Variants in DHX36 observed in about 807,000 individuals in gnomAD.
DHX36 encodes the protein ATP-dependent DNA/RNA helicase DHX36.
A neutral mutation model predicts 139.0 loss-of-function variants in DHX36; 50 were observed. That is an observed-to-expected ratio of 0.36 (90% CI 0.29 to 0.46). The LOEUF is 0.46. Ranked by LOEUF, DHX36 falls within the 20% of genes least tolerant of loss-of-function variation. The probability of loss-of-function intolerance (pLI) is 1.00; values close to 1 mark genes in which losing one functional copy is unlikely to be tolerated. For synonymous variants in DHX36, 425 were observed against 401.9 expected (o/e 1.06, Z -0.69); for missense variants, 1,024 against 1,211.3 (o/e 0.85, Z 2.29).
intron 3 of DHX36, 31 bp from the exon 4 acceptor site, chr3:154,311,705 C>G (rs1712768931): frequency 1.3e-6 from 2 of 1,553,244 alleles, no homozygotes; most frequent in African/African-American, 1.4e-5. Context: ...TAAATTTTCA[C>G]AGAAGATATG....
Position 154,276,351 on chromosome 3 carries a change from T to C in DHX36, c.2847A>G (p.Leu949=), listed in dbSNP as rs1267186820. ...PARIAHLVKE[L]RKELDILLQE... is the part of the protein sequence containing the mutation. ...GCAGAAGAATATCTAGTTCCTTTCT[T>C]AATTCCTAAGGTTGGAAAAATTATA... Residue 949 remains leucine, a synonymous_variant, in exon 25 of 25, where the codon TTA becomes TTG. Coordinates refer to ENST00000496811, the MANE Select transcript of DHX36 (RefSeq NM_020865.3). The C allele has an allele frequency of 1.9e-6, 3 of 1,609,854 alleles. No individual in the cohort carries two copies. The highest frequency in any genetic ancestry group is 2.5e-6 in the Non-Finnish European group (3 of 1,179,104).
chr3:154,300,301 C>T (rs1040235459), intron 11 of DHX36, among the ~76,000 whole-genome samples: 3 of 152,134 alleles, frequency 2.0e-5, no homozygotes, highest in African/African-American at 7.2e-5. Context: ...CTCCTGGCCT[C>T]AAGTGATCCA....
chr3:154,304,517 C>G (rs1006317374), intron 8 of DHX36, among the ~76,000 whole-genome samples: 1 of 152,128 alleles, frequency 6.6e-6, no homozygotes, highest in Non-Finnish European at 1.5e-5. Context: ...AGAAAAACAA[C>G]AGAAAGAAGT....
chr3:154,284,497 A>G, intron 19 of DHX36, 86 bp downstream of exon 19: 3 of 1,245,022 alleles, frequency 2.4e-6, no homozygotes, highest in Non-Finnish European at 3.3e-6. Context: ...CAGAGATTTC[A>G]AAAGGTTAAA....
intron 3 of DHX36, among the ~76,000 whole-genome samples, chr3:154,312,599 T>A (rs2108362287): frequency 6.6e-6 from 1 of 151,728 alleles, no homozygotes; most frequent in African/African-American, 2.4e-5. Context: ...TCCCAGCACT[T>A]TGGGAAGCCG....
intron 9 of DHX36, among the ~76,000 whole-genome samples, chr3:154,302,056 A>T (rs910004784): frequency 1.1e-4 from 17 of 151,978 alleles, no homozygotes; most frequent in Non-Finnish European, 2.1e-4. Flanking sequence ...TGAGATTTTT[A>T]AAAATGTGAT....
At chr3:154,297,904 G>A (rs1206742870) in intron 12 of DHX36, among the ~76,000 whole-genome samples, 3 of 151,828 alleles carry the variant, frequency 2.0e-5, no homozygotes, top group Non-Finnish European at 4.4e-5. Context: ...CTTATGAAAA[G>A]AAAAAAACAA....
chr3:154,299,788 T>A (rs370781222), intron 12 of DHX36, 50 bp downstream of exon 12: 1 of 1,341,844 alleles, frequency 7.5e-7, no homozygotes, highest in Non-Finnish European at 1.1e-6. Flanking sequence ...ACATCATATA[T>A]AATTCAAATA....
At chr3:154,292,800 G>A in intron 14 of DHX36, 106 bp from the exon 15 acceptor site, 1 of 1,451,538 alleles carries the variant, frequency 6.9e-7, no homozygotes, top group Non-Finnish European at 9.0e-7. Flanking sequence ...CAATAAATAG[G>A]TATTTCAGAG....
chr3:154,299,593 TTTC>T (rs1712186027), intron 12 of DHX36: 1 of 435,120 alleles, frequency 2.3e-6, no homozygotes, highest in South Asian at 2.1e-5. Flanking sequence ...GGCCAAGGGA[TTTC>T]TTTTTTGCAG....
In DHX36 at chr3:154,308,537, T is replaced by G. The variant is rs531453028; in HGVS notation, c.813+1116A>C. 4.6e-5 allele frequency among the ~76,000 whole-genome samples: 7 copies of G among 152,286 alleles called. No homozygotes were observed. In the East Asian group the frequency reaches 1.4e-3, roughly 29 times the overall value. On this transcript the variant is annotated intron_variant, in intron 5 of 24. Coordinates refer to ENST00000496811, the MANE Select transcript of DHX36 (RefSeq NM_020865.3). ...CACATATTTAACTAGGTCATCTAACTAAAAACGATGACGACAACAAAATCA... is the reference window on the plus strand; with the variant it reads ...CACATATTTAACTAGGTCATCTAACGAAAAACGATGACGACAACAAAATCA...
rs141044065 is a variant in DHX36, at chr3:154,307,006, T to C, written c.814-711A>G. Among the ~76,000 whole-genome samples the C allele has an allele frequency of 2.0e-5, 3 of 152,234 alleles. No homozygotes were observed. The East Asian group carries it at 5.8e-4, about 29-fold the overall frequency. ...ACCTACTTAGCATTTCTTCCTACTA[T>C]CAGCATATACAGTAACTGCTATATA... On this transcript the variant is annotated intron_variant, in intron 5 of 24. Coordinates refer to ENST00000496811, the MANE Select transcript of DHX36 (RefSeq NM_020865.3).
At chr3:154,294,230 T>TGCA (rs1711939482) in intron 13 of DHX36, among the ~76,000 whole-genome samples, 1 of 151,962 alleles carries the variant, frequency 6.6e-6, no homozygotes, top group Non-Finnish European at 1.5e-5. Context: ...ATGTCAACTG[T>TGCA]GCAGCTGTAC....
In DHX36 at chr3:154,275,980, A is replaced by ATG. The variant is rs1323740583; in HGVS notation, c.*190_*191insCA. 13 of 42,756 alleles carry ATG rather than the reference A, an allele frequency of 3.0e-4. No individual in the cohort carries two copies. The highest frequency in any genetic ancestry group is 1.1e-3 in the African/African-American group (13 of 11,320). 2.6% of individuals were successfully genotyped at this position (42,756 alleles called of 1,614,324 possible). ...TCAGAGAACATATTGCTTTTATGGT[A>ATG]TATATATATATATATATATATCTCT... On this transcript the variant is annotated 3_prime_UTR_variant, in exon 25 of 25. Coordinates refer to ENST00000496811, the MANE Select transcript of DHX36 (RefSeq NM_020865.3).
rs764775767 is a variant in DHX36, at chr3:154,289,819, G to C, written c.1822C>G (p.Pro608Ala). 12 of 1,568,368 alleles carry C rather than the reference G, an allele frequency of 7.7e-6. No homozygotes were observed. In the East Asian group the frequency reaches 2.5e-4, roughly 32 times the overall value. ...QRKGRAGRVQPGHCYHLYNGL... is the reference protein window; with the variant it reads ...QRKGRAGRVQAGHCYHLYNGL... The stretch of plus-strand genomic sequence containing the variant: ...TTATACAGATGATAGCAATGACCAG[G>C]TTGAACTCTTAAAAAAAAAACAAAA... The change falls in exon 16 of 25, where the codon CCT becomes GCT. Residue 608 changes from proline (P) to alanine (A), a missense_variant. Pro to Ala is a conservative substitution (Grantham distance 27, BLOSUM62 -1). Around this residue, in one of 4 missense-constraint regions of DHX36, gnomAD observed 470 missense variants for 616.2 expected, o/e 0.76. Coordinates refer to ENST00000496811, the MANE Select transcript of DHX36 (RefSeq NM_020865.3).
intron 24 of DHX36, 48 bp from the exon 25 acceptor site, chr3:154,276,404 C>T: frequency 6.6e-7 from 1 of 1,505,558 alleles, no homozygotes. Flanking sequence ...GATATATTAC[C>T]AAATAACATA....
intron 6 of DHX36, 125 bp downstream of exon 6, chr3:154,306,091 A>T (rs1266066076): frequency 1.5e-6 from 1 of 675,788 alleles, no homozygotes; most frequent in African/African-American, 1.8e-5. Context: ...CGCTGCAGTT[A>T]CTTTAAATGG....
rs546935572 is a variant in DHX36, at chr3:154,300,584, T to G, written c.1461+10A>C. The G allele has an allele frequency of 6.2e-7, 1 of 1,602,090 alleles. No homozygotes were observed. The highest frequency in any genetic ancestry group is 8.5e-7 in the Non-Finnish European group (1 of 1,173,014). ...ATTATGTTAACTGAAGAAAGAAAAA[T>G]AAAACTAACCTCTTCTTCCAAAACA... On this transcript the variant is annotated intron_variant, in intron 11 of 24. Transcript: ENST00000496811.
chr3:154,281,872 T>C (rs975086844), intron 20 of DHX36, among the ~76,000 whole-genome samples: 1 of 38,818 alleles, frequency 2.6e-5, no homozygotes, highest in Non-Finnish European at 4.2e-5. Flanking sequence ...TATATTTAAA[T>C]ACTTCTAATG....
Sources: gnomAD v4.1 joint callset for allele counts (sites outside exome capture counted in the v4.1 genomes callset) on GRCh38, gnomAD v4.1.1 for gene constraint, gnomAD v4.1.1 regional missense constraint, MANE v1.5 for transcripts, NCBI Gene and HGNC (gene_info 2026-07-23, HGNC 2026-07-21) for gene names.